The following ABLIM2 variants were observed in gnomAD, a reference collection of about 807,000 sequenced individuals.
The protein encoded by ABLIM2 is actin binding LIM protein family member 2.
In ABLIM2, 53 loss-of-function variants were observed where a neutral mutation model predicts 97.7. The observed-to-expected ratio is 0.54, with a 90% CI of 0.44 to 0.68. The LOEUF is 0.68. Ranked by LOEUF, ABLIM2 falls within the 30% of genes least tolerant of loss-of-function variation. ABLIM2 has a pLI of 0.00. For synonymous variants in ABLIM2, 361 were observed against 345.8 expected, an observed-to-expected ratio of 1.04 and a Z score of -0.49; for missense variants, 835 against 867.2, an observed-to-expected ratio of 0.96 and a Z score of 0.47.
intron 1 of ABLIM2, among the ~76,000 whole-genome samples, chr4:8,145,783 C>T (rs1472988913): frequency 1.3e-5 from 2 of 149,668 alleles, no homozygotes; most frequent in Non-Finnish European, 3.0e-5. Context: ...CACACACACA[C>T]ACACACGAGA....
At chr4:7,997,950 C>T (rs530033310) in intron 16 of ABLIM2, among the ~76,000 whole-genome samples, 10 of 151,642 alleles carry the variant, frequency 6.6e-5, no homozygotes, top group Non-Finnish European at 1.2e-4. Flanking sequence ...GGCACCATCT[C>T]GGCTCACCAC....
At chr4:7,967,189 C>G in intron 20 of ABLIM2, 86 bp from the exon 21 acceptor site, 1 of 1,129,640 alleles carries the variant, frequency 8.9e-7, no homozygotes, top group Non-Finnish European at 1.3e-6. Flanking sequence ...CCAAGCAATC[C>G]AGGGGCAGGA....
intron 17 of ABLIM2, among the ~76,000 whole-genome samples, chr4:7,985,111 T>C (rs1240192319): frequency 6.6e-6 from 1 of 152,122 alleles, no homozygotes; most frequent in Non-Finnish European, 1.5e-5. Context: ...CTGGCCAGCT[T>C]TCTTGCTCAT....
chr4:8,098,369 G>A (rs144591069), intron 2 of ABLIM2, among the ~76,000 whole-genome samples: 54 of 152,344 alleles, frequency 3.5e-4, no homozygotes, highest in African/African-American at 1.3e-3. Context: ...TGCAAAGGAC[G>A]TCGTTTCTGC....
chr4:7,967,454 C>T (rs1318056402), intron 20 of ABLIM2, among the ~76,000 whole-genome samples: 1 of 152,210 alleles, frequency 6.6e-6, no homozygotes, highest in Non-Finnish European at 1.5e-5. Context: ...TATAGATTTC[C>T]TTCAGTGGTC....
At chr4:7,988,961 G>A (rs1051178216) in intron 17 of ABLIM2, among the ~76,000 whole-genome samples, 12 of 151,324 alleles carry the variant, frequency 7.9e-5, no homozygotes, top group African/African-American at 2.9e-4. Context: ...CCAAACATGT[G>A]AAAATCTCAT....
At chr4:8,010,318 T>C (rs1764107241) in intron 14 of ABLIM2, 1 of 962,746 alleles carries the variant, frequency 1.0e-6, no homozygotes. Flanking sequence ...GTGTATCCCT[T>C]ACAGAAACAC....
In ABLIM2 at chr4:8,088,304, T is replaced by C. The variant is rs1005135293; in HGVS notation, c.339-20A>G. Reference sequence around the variant, plus strand: ...GGCAGCCTGAAACAAGAGAGCTCGTTACCAGCCAGGCCCACCTTCTGGCTC... The same window carrying C: ...GGCAGCCTGAAACAAGAGAGCTCGTCACCAGCCAGGCCCACCTTCTGGCTC... On this transcript the variant is annotated intron_variant, in intron 3 of 20. Transcript: ENST00000447017. The C allele has an allele frequency of 2.5e-6, 4 of 1,599,110 alleles. No homozygotes were observed. Among genetic ancestry groups the C allele is most frequent in the African/African-American group, 1.3e-5 (1 of 74,614 alleles).
chr4:8,031,756 G>A (rs1353443541), intron 10 of ABLIM2, among the ~76,000 whole-genome samples: 5 of 147,744 alleles, frequency 3.4e-5, no homozygotes, highest in Admixed American at 2.7e-4. Flanking sequence ...ATGGAGTCTC[G>A]CTCTGTCACC....
rs1339225174 is a variant in ABLIM2, at chr4:8,109,185, G to A, written c.11-2548C>T. Among the ~76,000 whole-genome samples, 11 of 149,598 alleles carry A rather than the reference G, an allele frequency of 7.4e-5. No homozygotes were observed. In the South Asian group the frequency reaches 1.3e-3, roughly 17 times the overall value. ...AGCCCCCTCTTCTGGTCTGCCTGGC[G>A]TATAGGCTGAGTGAGTTTCTGAGGC... On this transcript the variant is annotated intron_variant, in intron 1 of 20. Coordinates refer to ENST00000447017, the MANE Select transcript of ABLIM2 (RefSeq NM_001130083.2).
rs1055397317 is a variant in ABLIM2 at position 8,128,348 on chromosome 4, A to G, written c.11-21711T>C. Among the ~76,000 whole-genome samples the G allele has an allele frequency of 6.6e-6, 1 of 152,188 alleles. No homozygotes were observed. The highest frequency in any genetic ancestry group is 1.5e-5 in the Non-Finnish European group (1 of 68,030). Reference sequence around the variant, plus strand: ...GAGCTTCCAGGTGGGTGGGGCCACAAGAAGACGTGTCTCTATCTAGCGAAT... The same window carrying G: ...GAGCTTCCAGGTGGGTGGGGCCACAGGAAGACGTGTCTCTATCTAGCGAAT... On this transcript the variant is annotated intron_variant, in intron 1 of 20. Coordinates refer to ENST00000447017, the MANE Select transcript of ABLIM2 (RefSeq NM_001130083.2). The surrounding 1 kb of genome is among the most constrained non-coding windows in gnomAD (Gnocchi z 4.9).
rs567936289 is a variant in ABLIM2 at position 8,060,044 on chromosome 4, T to C, written c.763+923A>G. Among the ~76,000 whole-genome samples, 93 of 152,272 alleles carry C rather than the reference T, an allele frequency of 6.1e-4. No homozygotes were observed. In the Middle Eastern group the frequency reaches 0.017, roughly 28 times the overall value. ...AGGTGCACATGTTAATAAGCTTCTGTTCATCCTTATCTTGTTAATCTGTCT... is the reference window on the plus strand; with the variant it reads ...AGGTGCACATGTTAATAAGCTTCTGCTCATCCTTATCTTGTTAATCTGTCT... On this transcript the variant is annotated intron_variant, in intron 7 of 20. Transcript: ENST00000447017.
chr4:8,065,395 C>T (rs1207351476), intron 6 of ABLIM2, among the ~76,000 whole-genome samples: 1 of 152,150 alleles, frequency 6.6e-6, no homozygotes. Flanking sequence ...TAGGAGACAC[C>T]ACTTCATACC....
rs1431738355 is a variant in ABLIM2, at chr4:7,970,099, A to C, written c.1825-2996T>G. 6.6e-6 allele frequency among the ~76,000 whole-genome samples: 1 copy of C among 152,256 alleles called. No individual in the cohort carries two copies. The highest frequency in any genetic ancestry group is 1.5e-5 in the Non-Finnish European group (1 of 68,046). On this transcript the variant is annotated intron_variant, in intron 20 of 20. Transcript: ENST00000447017. This position sits in a 1 kb window ranked among gnomAD's most constrained non-coding sequence, Gnocchi z 5.3. ...GGAAAGAAAAAGGAAAATCATTTCTAGCTTTATCCAAGACCTGGTGATACC... is the reference window on the plus strand; with the variant it reads ...GGAAAGAAAAAGGAAAATCATTTCTCGCTTTATCCAAGACCTGGTGATACC...
At chr4:8,062,939 C>T (rs1804337695) in intron 6 of ABLIM2, among the ~76,000 whole-genome samples, 1 of 152,262 alleles carries the variant, frequency 6.6e-6, no homozygotes. Context: ...CTGACTTCCT[C>T]TAACAGCAGG....
rs1261348892 is a variant in ABLIM2 at position 8,044,597 on chromosome 4, A to C, written c.900+567T>G. On this transcript the variant is annotated intron_variant, in intron 9 of 20. Coordinates refer to ENST00000447017, the MANE Select transcript of ABLIM2 (RefSeq NM_001130083.2). The surrounding 1 kb of genome is among the most constrained non-coding windows in gnomAD (Gnocchi z 4.4). ...ACAACTTGTTAAAATGTTTTCAATC[A>C]TTTTTATATTTGTATGTGATTATGG... Among the ~76,000 whole-genome samples the C allele has an allele frequency of 6.6e-6, 1 of 151,626 alleles. No homozygotes were observed. Among genetic ancestry groups the C allele is most frequent in the Non-Finnish European group, 1.5e-5 (1 of 67,954 alleles).
At chr4:8,034,475 GGTAGGTGGGTGCAGGTGGGTGGGTGGTA>G in intron 10 of ABLIM2, among the ~76,000 whole-genome samples, 1 of 111,658 alleles carries the variant, frequency 9.0e-6, no homozygotes. Context: ...GCTGGTGGGT[GGTAGGTGGGTGCAGGTGGGTGGGTGGTA>G]GGTAGGTGGG....
chr4:8,135,626 C>A (rs1466622946), intron 1 of ABLIM2, among the ~76,000 whole-genome samples: 1 of 152,232 alleles, frequency 6.6e-6, no homozygotes, highest in Non-Finnish European at 1.5e-5. Context: ...GGACCTCCAG[C>A]CTCCAGGACT....
At chr4:8,011,061 A>C (rs539613046) in intron 14 of ABLIM2, among the ~76,000 whole-genome samples, 1 of 152,244 alleles carries the variant, frequency 6.6e-6, no homozygotes, top group Non-Finnish European at 1.5e-5. Flanking sequence ...CTGCACGTGC[A>C]TGGACAATTA....
Sources: gnomAD v4.1 joint callset for allele counts (sites outside exome capture counted in the v4.1 genomes callset) on GRCh38, gnomAD v4.1.1 for gene constraint, Gnocchi (gnomAD v3.1) non-coding constraint, MANE v1.5 for transcripts, NCBI Gene and HGNC (gene_info 2026-07-23, HGNC 2026-07-21) for gene names.